Variants in MARCHF1 observed in about 807,000 individuals in gnomAD.
MARCHF1 encodes E3 ubiquitin-protein ligase MARCHF1.
A neutral mutation model predicts 54.2 loss-of-function variants in MARCHF1; 40 were observed. The observed-to-expected ratio is 0.74, with a 90% CI of 0.57 to 0.96. MARCHF1 has a LOEUF of 0.96. Ranked by LOEUF, MARCHF1 falls within the 40% of genes least tolerant of loss-of-function variation. MARCHF1 has a pLI of 0.00. For missense variants in MARCHF1, 586 were observed against 656.5 expected (o/e 0.89, Z 1.17); for synonymous variants, 236 against 236.3 (o/e 1.00, Z 0.01).
At chr4:164,235,791 T>A (rs769941865) in intron 1 of MARCHF1, among the ~76,000 whole-genome samples, 3 of 152,054 alleles carry the variant, frequency 2.0e-5, no homozygotes, top group Non-Finnish European at 4.4e-5. Flanking sequence ...TTAGGTACAA[T>A]GTATACTACT....
intron 7 of MARCHF1, among the ~76,000 whole-genome samples, chr4:163,594,838 C>T (rs891897978): frequency 3.9e-5 from 6 of 151,962 alleles, no homozygotes; most frequent in African/African-American, 1.2e-4. Context: ...AGTTGGAGCC[C>T]TTGTACGCTG....
intron 5 of MARCHF1, among the ~76,000 whole-genome samples, chr4:163,686,146 A>G (rs1387355839): frequency 6.6e-6 from 1 of 152,188 alleles, no homozygotes; most frequent in African/African-American, 2.4e-5. Flanking sequence ...TGATCTTATT[A>G]ATATTAGTAA....
Position 163,889,994 on chromosome 4 carries a change from G to A in MARCHF1, c.-38-35825C>T, listed in dbSNP as rs558704628. ...GGCTGGAGTGCAGTGGCACTGTTTC[G>A]GCTCACTGCAAGCTCCGCCGCCCGG... On this transcript the variant is annotated intron_variant, in intron 3 of 9. Coordinates refer to ENST00000514618, the MANE Select transcript of MARCHF1 (RefSeq NM_001394959.1). 9.2e-5 allele frequency among the ~76,000 whole-genome samples: 13 copies of A among 141,892 alleles called. No individual in the cohort carries two copies. The South Asian group carries it at 1.3e-3, about 14-fold the overall frequency. The allele number at this position is 141,892 out of a possible 152,430, so 93.1% of individuals were successfully genotyped here.
intron 1 of MARCHF1, among the ~76,000 whole-genome samples, chr4:164,223,394 T>C (rs1457542109): frequency 1.3e-5 from 2 of 152,012 alleles, no homozygotes; most frequent in Non-Finnish European, 2.9e-5. Context: ...TGGCTGTTAA[T>C]AGTAAATTTT....
chr4:164,197,234 C>G (rs1218328503), intron 1 of MARCHF1: 1 of 1,610,650 alleles, frequency 6.2e-7, no homozygotes, highest in African/African-American at 1.3e-5. Context: ...AGGCCCTCCA[C>G]GTGGTCCTCA....
rs189554801 is a variant in MARCHF1, at chr4:163,892,542, A to T, written c.-38-38373T>A. Among the ~76,000 whole-genome samples the T allele has an allele frequency of 7.1e-3, 1,072 of 152,038 alleles. 14 individuals are homozygous for T. Among genetic ancestry groups the T allele is most frequent in the African/African-American group, 0.024 (1,009 of 41,480 alleles). Reference sequence around the variant, plus strand: ...TCACAAAAATACAGATATAATATGTAACTAACCTGCACAATGTGCACATGT... The same window carrying T: ...TCACAAAAATACAGATATAATATGTTACTAACCTGCACAATGTGCACATGT... On this transcript the variant is annotated intron_variant, in intron 3 of 9. Transcript: ENST00000514618.
intron 2 of MARCHF1, among the ~76,000 whole-genome samples, chr4:164,075,816 A>G (rs2111101548): frequency 6.6e-6 from 1 of 152,286 alleles, no homozygotes; most frequent in South Asian, 2.1e-4. Context: ...AAAGTTATGC[A>G]CTGAGGCTGA....
intron 1 of MARCHF1, among the ~76,000 whole-genome samples, chr4:164,212,076 G>A (rs1731788157): frequency 6.6e-6 from 1 of 152,052 alleles, no homozygotes; most frequent in Non-Finnish European, 1.5e-5. Flanking sequence ...AAGTGATGAT[G>A]ATGATGATGA....
In MARCHF1 at chr4:163,545,947, ATGTGTGTGTG is replaced by A. The variant is rs70948653; in HGVS notation, c.1192-214_1192-205del. 2.2e-3 allele frequency among the ~76,000 whole-genome samples: 326 copies of A among 149,050 alleles called. 1 individual carries two copies. The highest frequency in any genetic ancestry group is 7.2e-3 in the African/African-American group (290 of 40,370). On this transcript the variant is annotated intron_variant, in intron 8 of 9. Coordinates refer to ENST00000514618, the MANE Select transcript of MARCHF1 (RefSeq NM_001394959.1). Reference sequence around the variant, plus strand: ...AGAGTTACATATAACTTAAATACATATGTGTGTGTGTGTGTGTGTGTGTGTGTGTGTGTGT... The same window carrying A: ...AGAGTTACATATAACTTAAATACATATGTGTGTGTGTGTGTGTGTGTGTGT...
chr4:164,359,986 A>T (rs573933776), intron 1 of MARCHF1, among the ~76,000 whole-genome samples: 5 of 152,126 alleles, frequency 3.3e-5, no homozygotes, highest in African/African-American at 4.8e-5. Context: ...AGAGAGTGTC[A>T]TATTCTAGTA....
chr4:164,146,582 C>T (rs372784615), intron 1 of MARCHF1, among the ~76,000 whole-genome samples: 19 of 152,060 alleles, frequency 1.2e-4, no homozygotes, highest in East Asian at 7.7e-4. Flanking sequence ...AAAGGATTCC[C>T]TATTTAATAA....
intron 4 of MARCHF1, among the ~76,000 whole-genome samples, chr4:163,840,144 C>A (rs1231775965): frequency 2.6e-5 from 4 of 152,086 alleles, no homozygotes; most frequent in Non-Finnish European, 5.9e-5. Context: ...AAAAACATGA[C>A]ATCACAATTG....
At chr4:164,044,732 T>TTA (rs923312643) in intron 2 of MARCHF1, among the ~76,000 whole-genome samples, 57 of 152,182 alleles carry the variant, frequency 3.7e-4, no homozygotes, top group African/African-American at 1.4e-3. Flanking sequence ...TCTATAGTGT[T>TTA]TATATATATG....
intron 8 of MARCHF1, chr4:163,555,858 G>A (rs1739267669): frequency 1.4e-5 from 6 of 444,338 alleles, no homozygotes; most frequent in South Asian, 7.9e-5. Flanking sequence ...CCTCTTCAGT[G>A]AACAGCTATG....
intron 1 of MARCHF1, among the ~76,000 whole-genome samples, chr4:164,229,200 T>A (rs1453419798): frequency 6.6e-6 from 1 of 152,198 alleles, no homozygotes; most frequent in African/African-American, 2.4e-5. Context: ...ATTACCCTCC[T>A]TTTGCATGTG....
intron 4 of MARCHF1, among the ~76,000 whole-genome samples, chr4:163,850,768 CAA>C (rs1749619045): frequency 6.6e-6 from 1 of 152,138 alleles, no homozygotes. Flanking sequence ...TGGCAATACT[CAA>C]AAGAGATTGG....
At chr4:164,021,863 A>T (rs1317960590) in intron 2 of MARCHF1, among the ~76,000 whole-genome samples, 5 of 148,734 alleles carry the variant, frequency 3.4e-5, no homozygotes, top group Non-Finnish European at 7.4e-5. Context: ...TCAAAAAAAA[A>T]AAATTATATA....
chr4:164,271,821 G>A (rs2874565), intron 1 of MARCHF1, among the ~76,000 whole-genome samples: 3 of 152,078 alleles, frequency 2.0e-5, no homozygotes, highest in African/African-American at 7.2e-5. Flanking sequence ...TGACTACATC[G>A]AAATATAAAG....
At chr4:163,807,848 C>T (rs1178158261) in intron 4 of MARCHF1, among the ~76,000 whole-genome samples, 6 of 151,338 alleles carry the variant, frequency 4.0e-5, no homozygotes, top group Non-Finnish European at 5.9e-5. Flanking sequence ...GCCTCTTATA[C>T]GTTTCTGTTT....
Sources: gnomAD v4.1 joint callset for allele counts (sites outside exome capture counted in the v4.1 genomes callset) on GRCh38, gnomAD v4.1.1 for gene constraint, MANE v1.5 for transcripts, NCBI Gene and HGNC (gene_info 2026-07-23, HGNC 2026-07-21) for gene names.